The following AFG2A variants were observed in gnomAD, a reference collection of about 807,000 sequenced individuals.
AFG2A encodes the protein ATPase family gene 2 protein homolog A.
the AFG2A span, among the ~76,000 whole-genome samples, chr4:122,978,889 G>T: frequency 6.6e-6 from 1 of 152,226 alleles, no homozygotes; most frequent in African/African-American, 2.4e-5. Flanking sequence ...TGGGACTGGG[G>T]AGAGGCCAGG....
At chr4:123,315,409 T>C in the AFG2A span, 1 of 143,216 alleles carries the variant, frequency 7.0e-6, no homozygotes, top group African/African-American at 2.6e-5. Flanking sequence ...TTAGCCAGGA[T>C]GATCTCGATC....
chr4:123,051,051 TG>T, the AFG2A span, among the ~76,000 whole-genome samples: 3 of 152,088 alleles, frequency 2.0e-5, no homozygotes, highest in Non-Finnish European at 4.4e-5. Context: ...CAGCCACTCT[TG>T]GTCTTTTTTA....
chr4:123,145,783 A>G, the AFG2A span, among the ~76,000 whole-genome samples: 1 of 152,090 alleles, frequency 6.6e-6, no homozygotes, highest in Non-Finnish European at 1.5e-5. Context: ...TATTGGTTAA[A>G]GAATAATATG....
chr4:123,314,246 T>C, the AFG2A span: 1 of 414,074 alleles, frequency 2.4e-6, no homozygotes, highest in African/African-American at 2.1e-5. Flanking sequence ...AAAATATCTC[T>C]GAGCATAAGT....
At chr4:123,141,755 T>G in the AFG2A span, among the ~76,000 whole-genome samples, 30 of 152,210 alleles carry the variant, frequency 2.0e-4, no homozygotes, top group Non-Finnish European at 2.9e-5. Context: ...CTGGGTTGTT[T>G]GTTTTTTGTT....
At chr4:122,938,676 C>T in the AFG2A span, among the ~76,000 whole-genome samples, 1 of 152,064 alleles carries the variant, frequency 6.6e-6, no homozygotes, top group Non-Finnish European at 1.5e-5. Context: ...CTGCAACCTC[C>T]ACCTTCCAGG....
the AFG2A span, among the ~76,000 whole-genome samples, chr4:123,218,455 T>C: frequency 6.6e-6 from 1 of 152,188 alleles, no homozygotes; most frequent in Non-Finnish European, 1.5e-5. Context: ...GTGGCAATTA[T>C]TTTGTTTACT....
At chr4:123,050,648 G>A in the AFG2A span, among the ~76,000 whole-genome samples, 3 of 151,252 alleles carry the variant, frequency 2.0e-5, no homozygotes, top group African/African-American at 7.3e-5. Context: ...GTCTCCATTT[G>A]CATGGAATAT....
the AFG2A span, among the ~76,000 whole-genome samples, chr4:123,209,690 C>T: frequency 1.4e-5 from 2 of 148,108 alleles, no homozygotes; most frequent in African/African-American, 2.5e-5. Flanking sequence ...TGGGCTTAAG[C>T]GATCTTCCAC....
the AFG2A span, among the ~76,000 whole-genome samples, chr4:123,218,033 G>A: frequency 6.6e-6 from 1 of 152,158 alleles, no homozygotes; most frequent in African/African-American, 2.4e-5. Flanking sequence ...GAGAAAGTTT[G>A]TTCAAAGTAT....
At chr4:123,288,706 T>G in the AFG2A span, among the ~76,000 whole-genome samples, 1 of 152,168 alleles carries the variant, frequency 6.6e-6, no homozygotes, top group Non-Finnish European at 1.5e-5. Context: ...CCTCCCAAGA[T>G]GGACAGTTCT....
At chr4:123,150,995 C>T in the AFG2A span, among the ~76,000 whole-genome samples, 1 of 152,110 alleles carries the variant, frequency 6.6e-6, no homozygotes, top group Admixed American at 6.5e-5. Context: ...CTTTGACAAA[C>T]CTGACAAAAA....
At chr4:123,258,897 G>C in the AFG2A span, among the ~76,000 whole-genome samples, 3 of 121,516 alleles carry the variant, frequency 2.5e-5, no homozygotes, top group African/African-American at 9.7e-5. Context: ...ACAGAGTTTC[G>C]CCCTTGTATC....
the AFG2A span, among the ~76,000 whole-genome samples, chr4:123,306,632 T>C: frequency 0.022 from 3,298 of 152,198 alleles, 61 homozygotes; most frequent in Non-Finnish European, 0.035. Flanking sequence ...CTTGGCTCAC[T>C]GCAACCTCTG....
chr4:122,980,437 T>C, the AFG2A span, among the ~76,000 whole-genome samples: 1 of 152,216 alleles, frequency 6.6e-6, no homozygotes, highest in Admixed American at 6.5e-5. Flanking sequence ...TTCCCTATCT[T>C]GGATGTTGTG....
At chr4:123,248,774 C>T in the AFG2A span, among the ~76,000 whole-genome samples, 3 of 152,118 alleles carry the variant, frequency 2.0e-5, no homozygotes, top group Non-Finnish European at 4.4e-5. Flanking sequence ...ACTTTTCAAT[C>T]TATTATTCTA....
At chr4:123,102,259 C>T in the AFG2A span, 1 of 143,830 alleles carries the variant, frequency 7.0e-6, no homozygotes, top group Admixed American at 7.0e-5. Flanking sequence ...CAGATATTAT[C>T]CAGGTGTGCA....
the AFG2A span, among the ~76,000 whole-genome samples, chr4:123,261,970 A>T: frequency 7.1e-6 from 1 of 140,908 alleles, no homozygotes; most frequent in African/African-American, 2.9e-5. Context: ...ATTTGTAGAC[A>T]TTGTCATGTT....
chr4:123,032,206 A>G, the AFG2A span, among the ~76,000 whole-genome samples: 1 of 152,198 alleles, frequency 6.6e-6, no homozygotes, highest in South Asian at 2.1e-4. Context: ...TTTCTTCTCT[A>G]TACTTGTCTC....
Sources: gnomAD v4.1 joint callset for allele counts (sites outside exome capture counted in the v4.1 genomes callset) on GRCh38, gnomAD v4.1.1 for gene constraint, MANE v1.5 for transcripts, NCBI Gene and HGNC (gene_info 2026-07-23, HGNC 2026-07-21) for gene names.